Variants in LARGE1 observed in about 807,000 individuals in gnomAD.
LARGE1 encodes the protein LARGE xylosyl- and glucuronyltransferase 1.
In LARGE1, 43 loss-of-function variants were observed where a neutral mutation model predicts 87.6. The ratio of observed to expected loss-of-function variants is 0.49; its 90% CI spans 0.38 to 0.63. The LOEUF (loss-of-function observed/expected upper bound fraction) is 0.63, where lower values mean the gene tolerates loss of function less well. Ranked by LOEUF, LARGE1 falls within the 30% of genes least tolerant of loss-of-function variation. The pLI is 0.00. For synonymous variants in LARGE1, 434 were observed against 394.6 expected (o/e 1.10, Z -1.18); for missense variants, 802 against 1,000.2 (o/e 0.80, Z 2.67).
chr22:33,879,667 T>C (rs925574240), intron 1 of LARGE1, among the ~76,000 whole-genome samples: 2 of 152,206 alleles, frequency 1.3e-5, no homozygotes, highest in African/African-American at 2.4e-5. Flanking sequence ...CTCTCCCTTT[T>C]AGTAAAATTA....
Position 33,273,818 on chromosome 22 carries a change from A to G in LARGE1, c.*609T>C, listed in dbSNP as rs1928615378. On this transcript the variant is annotated 3_prime_UTR_variant, in exon 15 of 15. Transcript: ENST00000397394. Reference sequence around the variant, plus strand: ...TAAACAAAACCCCCAAAGAAAAACAAAACAAAACAGGAGTGACTTTGGGGA... The same window carrying G: ...TAAACAAAACCCCCAAAGAAAAACAGAACAAAACAGGAGTGACTTTGGGGA... 4 of 395,796 alleles carry G rather than the reference A, an allele frequency of 1.0e-5. No homozygotes were observed. In the East Asian group the frequency reaches 1.4e-4, roughly 14 times the overall value. The allele number at this position is 395,796 out of a possible 1,614,324, so 24.5% of individuals were successfully genotyped here.
chr22:33,539,807 T>C (rs1602322868), intron 6 of LARGE1, among the ~76,000 whole-genome samples: 1 of 152,266 alleles, frequency 6.6e-6, no homozygotes, highest in South Asian at 2.1e-4. Context: ...CTCAAATTCC[T>C]AGGCTCAAAT....
At chr22:33,823,189 T>A (rs2062688056) in intron 1 of LARGE1, among the ~76,000 whole-genome samples, 1 of 152,164 alleles carries the variant, frequency 6.6e-6, no homozygotes, top group East Asian at 1.9e-4. Context: ...CTAGAGGTCT[T>A]CCCATGAGAA....
intron 11 of LARGE1, among the ~76,000 whole-genome samples, chr22:33,203,619 G>A (rs370819987): frequency 6.6e-6 from 1 of 152,146 alleles, no homozygotes; most frequent in Non-Finnish European, 1.5e-5. Flanking sequence ...TGAAGCTAGG[G>A]AGGCAAGCAG....
the LARGE1 span, among the ~76,000 whole-genome samples, chr22:33,148,695 T>A: frequency 2.2e-4 from 34 of 152,340 alleles, no homozygotes; most frequent in African/African-American, 7.2e-4. Context: ...TTACTTCCCA[T>A]CAGCAATATT....
At chr22:33,168,965 T>C (rs1187125450) in intron 11 of LARGE1, among the ~76,000 whole-genome samples, 1 of 152,198 alleles carries the variant, frequency 6.6e-6, no homozygotes, top group Non-Finnish European at 1.5e-5. Context: ...TCTTTTCCTG[T>C]AAACCAGCAC....
Position 33,816,332 on chromosome 22 carries a change from G to T in LARGE1, c.-82-54774C>A, listed in dbSNP as rs1465069010. ...CGACTAGGTAGCTTATAAACAACAGGCATTTATTTCTTATAGTTCTAGAGG... is the reference window on the plus strand; with the variant it reads ...CGACTAGGTAGCTTATAAACAACAGTCATTTATTTCTTATAGTTCTAGAGG... On this transcript the variant is annotated intron_variant, in intron 1 of 14. Coordinates refer to ENST00000397394, the MANE Select transcript of LARGE1 (RefSeq NM_133642.5). Among the ~76,000 whole-genome samples the T allele has an allele frequency of 2.0e-5, 3 of 151,232 alleles. No individual in the cohort carries two copies. The East Asian group carries it at 5.8e-4, about 29-fold the overall frequency.
At chr22:33,600,525 G>A (rs545048947) in intron 5 of LARGE1, among the ~76,000 whole-genome samples, 1 of 152,292 alleles carries the variant, frequency 6.6e-6, no homozygotes, top group Non-Finnish European at 1.5e-5. Context: ...TAAAGACAGG[G>A]AAAGTTTCCC....
the LARGE1 span, among the ~76,000 whole-genome samples, chr22:33,074,309 C>T: frequency 1.3e-5 from 2 of 152,226 alleles, no homozygotes; most frequent in South Asian, 4.2e-4. Flanking sequence ...TATGATTTTC[C>T]TCCATAATCA....
chr22:33,259,770 G>A (rs755586553), intron 11 of LARGE1, among the ~76,000 whole-genome samples: 1 of 152,208 alleles, frequency 6.6e-6, no homozygotes, highest in African/African-American at 2.4e-5. Context: ...GCTTCCAGAA[G>A]TTAGAGAAGA....
intron 1 of LARGE1, among the ~76,000 whole-genome samples, chr22:33,833,341 A>T (rs1219734194): frequency 6.6e-6 from 1 of 152,232 alleles, no homozygotes; most frequent in Non-Finnish European, 1.5e-5. Flanking sequence ...ATTTGAAGAC[A>T]GGATCTTTAA....
intron 11 of LARGE1, among the ~76,000 whole-genome samples, chr22:33,209,101 TG>T (rs1180050606): frequency 6.6e-6 from 1 of 152,230 alleles, no homozygotes. Flanking sequence ...ATGGGATTGC[TG>T]GGTCAAATGG....
intron 6 of LARGE1, among the ~76,000 whole-genome samples, chr22:33,504,282 CAG>C (rs1186559663): frequency 1.3e-5 from 2 of 152,180 alleles, no homozygotes; most frequent in Non-Finnish European, 2.9e-5. Context: ...TATTTTTAGA[CAG>C]AGTCTTGCTC....
At chr22:33,370,148 G>A (rs1251951273) in intron 9 of LARGE1, among the ~76,000 whole-genome samples, 1 of 152,030 alleles carries the variant, frequency 6.6e-6, no homozygotes, top group East Asian at 1.9e-4. Flanking sequence ...TAGGCTCTCA[G>A]GTCAAAATCT....
chr22:33,902,938 C>T (rs1334197630), intron 1 of LARGE1, among the ~76,000 whole-genome samples: 1 of 152,136 alleles, frequency 6.6e-6, no homozygotes, highest in Non-Finnish European at 1.5e-5. Context: ...TCAAGACCAG[C>T]CTGGCTAACA....
chr22:33,516,664 C>T (rs2071319456), intron 6 of LARGE1, among the ~76,000 whole-genome samples: 1 of 6 alleles, frequency 0.17, no homozygotes, highest in South Asian at 0.5. Flanking sequence ...TCTCCGCTCA[C>T]TGCAAACTTC....
At chr22:33,502,482 CAAG>C (rs764532704) in intron 6 of LARGE1, among the ~76,000 whole-genome samples, 2 of 152,138 alleles carry the variant, frequency 1.3e-5, no homozygotes, top group Non-Finnish European at 2.9e-5. Flanking sequence ...GTTCAACAGG[CAAG>C]AAGGAGTGGA....
intron 5 of LARGE1, among the ~76,000 whole-genome samples, chr22:33,599,387 G>A (rs189430143): frequency 1.3e-5 from 2 of 152,236 alleles, no homozygotes; most frequent in East Asian, 1.9e-4. Context: ...CTGTAGACAG[G>A]AGCTGCATGT....
At chr22:33,359,558 A>G (rs1483012527) in intron 9 of LARGE1, among the ~76,000 whole-genome samples, 1 of 140,576 alleles carries the variant, frequency 7.1e-6, no homozygotes, top group Non-Finnish European at 1.5e-5. Flanking sequence ...TGGCAGACTC[A>G]TCTTTTTTTT....
Sources: allele counts gnomAD v4.1 joint callset (sites outside exome capture counted in the v4.1 genomes callset), GRCh38; gene constraint gnomAD v4.1.1; transcripts MANE v1.5; gene names NCBI Gene and HGNC (gene_info 2026-07-23, HGNC 2026-07-21).